The following LINGO2 variants were observed in gnomAD, a reference collection of about 807,000 sequenced individuals.
LINGO2 encodes the protein leucine rich repeat and Ig domain containing 2.
In LINGO2, 14 loss-of-function variants were observed where a neutral mutation model predicts 30.6. The ratio of observed to expected loss-of-function variants is 0.46; its 90% confidence interval spans 0.30 to 0.72. The LOEUF (loss-of-function observed/expected upper bound fraction) is 0.72. Among genes scored for constraint, LINGO2 ranks in the 30% least tolerant of loss-of-function variants. The pLI is 0.07. For missense variants in LINGO2, 729 were observed against 751.7 expected, an observed-to-expected ratio of 0.97 and a Z score of 0.35; for synonymous variants, 317 against 288.5, an observed-to-expected ratio of 1.10 and a Z score of -1.00.
chr9:28,189,282 A>C (rs1819668479), intron 4 of LINGO2, among the ~76,000 whole-genome samples: 1 of 79,988 alleles, frequency 1.3e-5, no homozygotes, highest in Admixed American at 1.3e-4. Flanking sequence ...GAAGGGAGGG[A>C]GGGAGGGAGG....
the LINGO2 span, among the ~76,000 whole-genome samples, chr9:28,761,378 G>C: frequency 3.9e-5 from 6 of 151,934 alleles, no homozygotes; most frequent in East Asian, 1.2e-3. Flanking sequence ...GAATGAAAGA[G>C]ATGTACTGAG....
chr9:28,356,942 A>AC (rs769884520), intron 3 of LINGO2, among the ~76,000 whole-genome samples: 1 of 782 alleles, frequency 1.3e-3, no homozygotes, highest in African/African-American at 1.5e-3. Flanking sequence ...GGCTCTGAGA[A>AC]TTTTAAAGGG....
At chr9:28,721,026 A>T in the LINGO2 span, among the ~76,000 whole-genome samples, 2 of 152,178 alleles carry the variant, frequency 1.3e-5, no homozygotes, top group Admixed American at 1.3e-4. Context: ...AGAGACACTT[A>T]TCAAAAGAAG....
rs191469169 is a variant in LINGO2 at position 28,160,933 on chromosome 9, C to T, written c.-87+134275G>A. On this transcript the variant is annotated intron_variant, in intron 4 of 5. Coordinates refer to ENST00000379992, the Ensembl canonical transcript of LINGO2. Reference sequence around the variant, plus strand: ...AATTCCCTTCTTAGCATTTGGGACACCCATGCTCCTGAACAGTGTTTGGTG... The same window carrying T: ...AATTCCCTTCTTAGCATTTGGGACATCCATGCTCCTGAACAGTGTTTGGTG... 1.6e-3 allele frequency among the ~76,000 whole-genome samples: 250 copies of T among 152,216 alleles called. 2 individuals are homozygous for T. The highest frequency in any genetic ancestry group is 5.9e-3 in the African/African-American group (244 of 41,542).
chr9:28,099,992 G>A (rs1441368374), intron 4 of LINGO2, among the ~76,000 whole-genome samples: 4 of 152,134 alleles, frequency 2.6e-5, no homozygotes, highest in South Asian at 2.1e-4. Flanking sequence ...AATCTACTGT[G>A]TTCTCTGCTA....
chr9:28,392,526 G>A (rs1250334115), intron 2 of LINGO2, among the ~76,000 whole-genome samples: 2 of 152,158 alleles, frequency 1.3e-5, no homozygotes, highest in Non-Finnish European at 2.9e-5. Flanking sequence ...GGCAAGGTAT[G>A]GGAGAGCAGC....
In LINGO2 at chr9:28,104,274, T is replaced by G. The variant is rs543886665; in HGVS notation, c.-86-91869A>C. Among the ~76,000 whole-genome samples, 3 of 147,400 alleles carry G rather than the reference T, an allele frequency of 2.0e-5. No homozygotes were observed. In the Admixed American group the frequency reaches 2.0e-4, roughly 10 times the overall value. On this transcript the variant is annotated intron_variant, in intron 4 of 5. Transcript: ENST00000379992. ...GTACAAGTTTTTTGTTTGTTTTTTTTTTTTTTTTTTTTGCTTTTTTTTCCC... is the reference window on the plus strand; with the variant it reads ...GTACAAGTTTTTTGTTTGTTTTTTTGTTTTTTTTTTTTGCTTTTTTTTCCC...
At chr9:29,065,861 A>C in the LINGO2 span, among the ~76,000 whole-genome samples, 1 of 152,056 alleles carries the variant, frequency 6.6e-6, no homozygotes, top group Admixed American at 6.6e-5. Context: ...GTAAAAATCA[A>C]GATATTAAAT....
intron 3 of LINGO2, among the ~76,000 whole-genome samples, chr9:28,302,473 G>C (rs780760328): frequency 4.6e-5 from 7 of 152,184 alleles, no homozygotes; most frequent in Non-Finnish European, 8.8e-5. Context: ...GAGCTCAGGA[G>C]TTCGAGATCA....
At chr9:28,356,207 T>C (rs1587531735) in intron 3 of LINGO2, among the ~76,000 whole-genome samples, 2 of 152,188 alleles carry the variant, frequency 1.3e-5, no homozygotes, top group African/African-American at 4.8e-5. Context: ...TGGTCCAATA[T>C]ACATTACAGA....
At chr9:28,951,839 C>T in the LINGO2 span, among the ~76,000 whole-genome samples, 9 of 152,064 alleles carry the variant, frequency 5.9e-5, no homozygotes, top group African/African-American at 2.2e-4. Flanking sequence ...ATTTAATCCA[C>T]CCATTATATT....
At chr9:28,183,766 C>A (rs990519014) in intron 4 of LINGO2, among the ~76,000 whole-genome samples, 1 of 152,172 alleles carries the variant, frequency 6.6e-6, no homozygotes, top group African/African-American at 2.4e-5. Context: ...ATTAAGACAT[C>A]TGTAGGCATG....
the LINGO2 span, among the ~76,000 whole-genome samples, chr9:29,205,785 A>C: frequency 6.6e-6 from 1 of 152,226 alleles, no homozygotes; most frequent in African/African-American, 2.4e-5. Context: ...GAACAATTAA[A>C]TGATTTTTAG....
At position 28,148,512 on chromosome 9, in the gene LINGO2, G is replaced by C; in HGVS notation, c.-86-136107C>G. On this transcript the variant is annotated intron_variant, in intron 4 of 5. Transcript: ENST00000379992. This position sits in a 1 kb window ranked among gnomAD's most constrained non-coding sequence, Gnocchi z 5.1. ...ACCCAGGGGCAGGAGGACAATAAAA[G>C]GGGCCCCTGTAGCAATGGGGAAGCA... 1 of 1,473,178 alleles carries C rather than the reference G, an allele frequency of 6.8e-7. No individual in the cohort carries two copies. Among genetic ancestry groups the C allele is most frequent in the Non-Finnish European group, 9.2e-7 (1 of 1,091,020 alleles). The allele number at this position is 1,473,178 out of a possible 1,614,324, so 91.3% of individuals were successfully genotyped here.
chr9:28,646,901 A>C (rs1283417281), intron 1 of LINGO2, among the ~76,000 whole-genome samples: 1 of 152,122 alleles, frequency 6.6e-6, no homozygotes, highest in African/African-American at 2.4e-5. Flanking sequence ...TACCAGTCTG[A>C]GCTTAATGAG....
chr9:28,059,375 C>T (rs990061743), intron 4 of LINGO2, among the ~76,000 whole-genome samples: 1 of 152,042 alleles, frequency 6.6e-6, no homozygotes, highest in African/African-American at 2.4e-5. Flanking sequence ...CACCGGGTCC[C>T]AGCTTTGTTT....
intron 4 of LINGO2, among the ~76,000 whole-genome samples, chr9:28,136,403 TAG>T (rs2133469185): frequency 6.6e-6 from 1 of 152,326 alleles, no homozygotes; most frequent in South Asian, 2.1e-4. Flanking sequence ...TGTCATCTGG[TAG>T]AACACAAATC....
In LINGO2 at chr9:28,048,812, C is replaced by T. The variant is rs115804292; in HGVS notation, c.-86-36407G>A. Among the ~76,000 whole-genome samples, 382 of 150,458 alleles carry T rather than the reference C, an allele frequency of 2.5e-3. 17 individuals carry two copies. The highest frequency in any genetic ancestry group is 9.1e-3 in the African/African-American group (369 of 40,712). ...ATATATAGAAATGTTAAAAGTACCA[C>T]AATCGATGAAAATAGCAACATATAT... On this transcript the variant is annotated intron_variant, in intron 4 of 5. Coordinates refer to ENST00000379992, the Ensembl canonical transcript of LINGO2.
intron 4 of LINGO2, among the ~76,000 whole-genome samples, chr9:28,033,354 C>T (rs1456411614): frequency 1.3e-5 from 2 of 152,084 alleles, no homozygotes; most frequent in African/African-American, 2.4e-5. Flanking sequence ...ATGTTGGAGA[C>T]ACTGTGGCAA....
Sources: gnomAD v4.1 joint callset for allele counts (sites outside exome capture counted in the v4.1 genomes callset) on GRCh38, gnomAD v4.1.1 for gene constraint, Gnocchi (gnomAD v3.1) non-coding constraint, MANE v1.5 for transcripts, NCBI Gene and HGNC (gene_info 2026-07-23, HGNC 2026-07-21) for gene names.